The following VEPH1 variants were observed in gnomAD, a reference collection of about 807,000 sequenced individuals.
VEPH1 encodes the protein ventricular zone expressed PH domain containing 1.
Under a neutral mutation model 85.2 loss-of-function variants are expected in VEPH1, and 80 were observed. That is an observed-to-expected ratio of 0.94 (90% CI 0.78 to 1.13). VEPH1 has a LOEUF of 1.13. Among genes scored for constraint, VEPH1 ranks in the 50% most tolerant of loss-of-function variants. The probability of loss-of-function intolerance (pLI) is 0.00; values close to 1 mark genes in which losing one functional copy is unlikely to be tolerated. For synonymous variants in VEPH1, 297 were observed against 348.0 expected (o/e 0.85, Z 1.63); for missense variants, 955 against 980.5 (o/e 0.97, Z 0.35).
intron 12 of VEPH1, among the ~76,000 whole-genome samples, chr3:157,284,041 C>T (rs970134187): frequency 1.2e-4 from 18 of 152,140 alleles, no homozygotes; most frequent in African/African-American, 2.9e-4. Flanking sequence ...CCTTTACAAG[C>T]GGTGACTTCT....
intron 9 of VEPH1, among the ~76,000 whole-genome samples, chr3:157,358,136 T>C (rs1404958746): frequency 6.6e-6 from 1 of 152,202 alleles, no homozygotes; most frequent in Non-Finnish European, 1.5e-5. Flanking sequence ...CACGGGCTGT[T>C]GCAGATGACT....
At chr3:157,353,145 A>G (rs917826713) in intron 9 of VEPH1, among the ~76,000 whole-genome samples, 1 of 152,214 alleles carries the variant, frequency 6.6e-6, no homozygotes, top group Non-Finnish European at 1.5e-5. Flanking sequence ...AGTTACCTGC[A>G]TCTCTGTTAC....
intron 9 of VEPH1, among the ~76,000 whole-genome samples, chr3:157,329,825 T>G (rs1411387742): frequency 1.3e-5 from 2 of 152,134 alleles, no homozygotes; most frequent in Non-Finnish European, 2.9e-5. Context: ...AAGTAAAAAT[T>G]TAATAGAGTT....
intron 6 of VEPH1, among the ~76,000 whole-genome samples, chr3:157,392,709 T>A: frequency 6.6e-6 from 1 of 152,226 alleles, no homozygotes; most frequent in Non-Finnish European, 1.5e-5. Context: ...GGGCCTCATG[T>A]GGCCTACAGG....
At chr3:157,460,031 G>C in intron 4 of VEPH1, 150 bp downstream of exon 4, 2 of 1,568,100 alleles carry the variant, frequency 1.3e-6, no homozygotes, top group Non-Finnish European at 1.7e-6. Context: ...GTAACCTTTT[G>C]CATGTTCACA....
At chr3:157,302,195 C>A (rs1718884591) in intron 11 of VEPH1, among the ~76,000 whole-genome samples, 1 of 152,168 alleles carries the variant, frequency 6.6e-6, no homozygotes, top group African/African-American at 2.4e-5. Context: ...CCATCCCTAC[C>A]AGGATCATCC....
intron 1 of VEPH1, among the ~76,000 whole-genome samples, 177 bp downstream of exon 1, chr3:157,503,100 A>G (rs1740242061): frequency 6.6e-6 from 1 of 152,220 alleles, no homozygotes; most frequent in Non-Finnish European, 1.5e-5. Context: ...ATGCCTGCAT[A>G]CATGGCTAGA....
At chr3:157,314,194 GTGGTGGCGGGAGCC>G (rs1353531574) in intron 10 of VEPH1, among the ~76,000 whole-genome samples, 2 of 151,386 alleles carry the variant, frequency 1.3e-5, no homozygotes, top group Non-Finnish European at 3.0e-5. Context: ...TTAGCCGGGC[GTGGTGGCGGGAGCC>G]TGTAGTCCCA....
At chr3:157,437,613 G>GGAC in intron 4 of VEPH1, 1 of 1,566,506 alleles carries the variant, frequency 6.4e-7, no homozygotes, top group South Asian at 1.2e-5. Context: ...TGCAAGCCAC[G>GGAC]GACGACGTCC....
intron 7 of VEPH1, among the ~76,000 whole-genome samples, chr3:157,378,732 G>A (rs140112822): frequency 5.3e-5 from 8 of 152,266 alleles, no homozygotes; most frequent in African/African-American, 1.7e-4. Context: ...TTCTCTGTGT[G>A]TAGGGGTTAA....
chr3:157,350,886 G>T (rs1724793935), intron 9 of VEPH1, among the ~76,000 whole-genome samples: 1 of 152,172 alleles, frequency 6.6e-6, no homozygotes, highest in Non-Finnish European at 1.5e-5. Flanking sequence ...TGCTGGTGAG[G>T]ATGCAGAGAA....
chr3:157,287,630 T>A (rs948804448), intron 11 of VEPH1, among the ~76,000 whole-genome samples: 5 of 152,124 alleles, frequency 3.3e-5, no homozygotes, highest in Admixed American at 3.3e-4. Flanking sequence ...AGTGGTGTGA[T>A]CTTGGCTTAC....
intron 9 of VEPH1, among the ~76,000 whole-genome samples, chr3:157,355,223 T>G (rs115790111): frequency 0.01 from 1,529 of 152,340 alleles, 12 homozygotes; most frequent in Middle Eastern, 0.034. Context: ...TAACTACGTA[T>G]TATGTAAGTT....
intron 12 of VEPH1, among the ~76,000 whole-genome samples, chr3:157,268,246 C>T (rs959136853): frequency 2.0e-5 from 3 of 152,102 alleles, no homozygotes; most frequent in South Asian, 2.1e-4. Context: ...CTGGGTTATG[C>T]GTTCCTTGAG....
chr3:157,420,371 AC>A (rs1732238044), intron 5 of VEPH1, among the ~76,000 whole-genome samples: 1 of 152,114 alleles, frequency 6.6e-6, no homozygotes, highest in Non-Finnish European at 1.5e-5. Flanking sequence ...TTATGTACAC[AC>A]ACACATACAC....
intron 11 of VEPH1, among the ~76,000 whole-genome samples, chr3:157,304,970 G>A (rs1416258416): frequency 6.6e-6 from 1 of 151,594 alleles, no homozygotes; most frequent in African/African-American, 2.4e-5. Context: ...TTTCAGGATT[G>A]GTTAATATTT....
chr3:157,439,100 G>T (rs1425581108), intron 4 of VEPH1, among the ~76,000 whole-genome samples: 1 of 152,104 alleles, frequency 6.6e-6, no homozygotes, highest in East Asian at 1.9e-4. Context: ...CTTCAGAGGA[G>T]AAAAAGCATA....
intron 9 of VEPH1, among the ~76,000 whole-genome samples, chr3:157,350,752 C>T (rs566572139): frequency 2.6e-4 from 40 of 151,960 alleles, no homozygotes; most frequent in Non-Finnish European, 5.0e-4. Context: ...TACATATGAC[C>T]GACAAATATA....
At chr3:157,283,736 T>A (rs1716423839) in intron 12 of VEPH1, among the ~76,000 whole-genome samples, 1 of 152,254 alleles carries the variant, frequency 6.6e-6, no homozygotes, top group African/African-American at 2.4e-5. Flanking sequence ...TCTCTAATTG[T>A]CTCATGTTTT....
Sources: allele counts gnomAD v4.1 joint callset (sites outside exome capture counted in the v4.1 genomes callset), GRCh38; gene constraint gnomAD v4.1.1; transcripts MANE v1.5; gene names NCBI Gene and HGNC (gene_info 2026-07-23, HGNC 2026-07-21).